Variants in ITSN2 observed in about 807,000 individuals in gnomAD.
The protein encoded by ITSN2 is intersectin-2.
In ITSN2, 156 loss-of-function variants were observed where a neutral mutation model predicts 243.7. That is an observed-to-expected ratio of 0.64 (90% confidence interval 0.56 to 0.73). The LOEUF (loss-of-function observed/expected upper bound fraction) is 0.73. Among genes scored for constraint, ITSN2 ranks in the 30% least tolerant of loss-of-function variants. The pLI is 0.00. For missense variants in ITSN2, 1,801 were observed against 1,996.1 expected (o/e 0.90, Z 1.86); for synonymous variants, 703 against 699.9 (o/e 1.00, Z -0.07).
At position 24,203,558 on chromosome 2, in the gene ITSN2, G is replaced by A; in HGVS notation, c.*68C>T. The A allele has an allele frequency of 2.0e-6, 3 of 1,500,996 alleles. 1 individual carries two copies. Among genetic ancestry groups the A allele is most frequent in the Non-Finnish European group, 9.0e-7 (1 of 1,110,002 alleles). 93.0% of individuals were successfully genotyped at this position (1,500,996 alleles called of 1,614,324 possible). On this transcript the variant is annotated 3_prime_UTR_variant, in exon 40 of 40. Transcript: ENST00000355123. ...GCATGGTGCTCCCTCAGCCCCAAGA[G>A]AGCGCAGTCTCTCATTCTCCAGCCC...
At chr2:24,329,250 G>GT (rs1391550216) in intron 1 of ITSN2, among the ~76,000 whole-genome samples, 2 of 6,632 alleles carry the variant, frequency 3.0e-4, no homozygotes, top group Admixed American at 1.5e-3. Context: ...TTGTGGGTCT[G>GT]TTTTTTTTTT....
At chr2:24,317,763 A>C (rs72793219) in intron 2 of ITSN2, among the ~76,000 whole-genome samples, 3,370 of 152,300 alleles carry the variant, frequency 0.022, 65 homozygotes, top group Middle Eastern at 0.034. Flanking sequence ...TTTAGACTGA[A>C]ATCAAGTATG....
At chr2:24,313,326 C>A in intron 4 of ITSN2, 134 bp downstream of exon 4, 1 of 622,904 alleles carries the variant, frequency 1.6e-6, no homozygotes, top group South Asian at 2.1e-5. Flanking sequence ...CCTCCTACCT[C>A]AGACTCCCAA....
intron 17 of ITSN2, among the ~76,000 whole-genome samples, chr2:24,284,256 T>G (rs1679188129): frequency 1.3e-5 from 2 of 152,254 alleles, no homozygotes; most frequent in Admixed American, 6.5e-5. Flanking sequence ...AATATGAGCC[T>G]GGTAACTAGA....
intron 1 of ITSN2, among the ~76,000 whole-genome samples, chr2:24,357,464 G>A: frequency 6.6e-6 from 1 of 152,078 alleles, no homozygotes; most frequent in East Asian, 1.9e-4. Context: ...ACACACACCA[G>A]GACCTGTTGT....
At chr2:24,246,649 A>G (rs935979357) in intron 28 of ITSN2, 148 bp downstream of exon 28, 14 of 603,018 alleles carry the variant, frequency 2.3e-5, no homozygotes, top group Non-Finnish European at 3.4e-5. Flanking sequence ...ACTTTTCAGA[A>G]AGGAAATTCT....
At chr2:24,337,315 A>AATATATATATATATATACATATATAT (rs1686505402) in intron 1 of ITSN2, among the ~76,000 whole-genome samples, 2 of 32,026 alleles carry the variant, frequency 6.2e-5, no homozygotes, top group Non-Finnish European at 1.1e-4. Flanking sequence ...GTATACACAA[A>AATATATATATATATATACATATATAT]ATATATATAT....
chr2:24,310,409 A>G (rs1193581632), intron 6 of ITSN2, 29 bp from the exon 7 acceptor site: 3 of 1,609,450 alleles, frequency 1.9e-6, no homozygotes. Context: ...GAAAAGTATG[A>G]AAGAAATTTG....
chr2:24,328,582 C>T (rs187889895), intron 1 of ITSN2, among the ~76,000 whole-genome samples: 2 of 152,100 alleles, frequency 1.3e-5, no homozygotes, highest in East Asian at 3.9e-4. Context: ...CATACCTTGG[C>T]CACCTGAGTA....
chr2:24,203,851 G>A (rs1668563172), intron 39 of ITSN2, 68 bp from the exon 40 acceptor site: 1 of 1,476,348 alleles, frequency 6.8e-7, no homozygotes, highest in Non-Finnish European at 9.2e-7. Context: ...GCTACATCCG[G>A]AAGAAGTGGA....
chr2:24,319,335 G>T (rs1321180933), intron 2 of ITSN2, among the ~76,000 whole-genome samples: 2 of 152,138 alleles, frequency 1.3e-5, no homozygotes, highest in South Asian at 2.1e-4. Context: ...ATTAAGAGAG[G>T]AATTAATGAT....
At chr2:24,215,952 G>A in intron 32 of ITSN2, 97 bp downstream of exon 32, 1 of 819,648 alleles carries the variant, frequency 1.2e-6, no homozygotes, top group Non-Finnish European at 1.8e-6. Flanking sequence ...TGATGGGGAT[G>A]CCCTTCTCCA....
At chr2:24,359,875 C>T (rs1688791980) in intron 1 of ITSN2, among the ~76,000 whole-genome samples, 1 of 152,142 alleles carries the variant, frequency 6.6e-6, no homozygotes, top group Non-Finnish European at 1.5e-5. Flanking sequence ...GGAAGGAAAA[C>T]CAACTCCGCG....
At chr2:24,227,684 G>A (rs1023037691) in intron 29 of ITSN2, among the ~76,000 whole-genome samples, 6 of 152,198 alleles carry the variant, frequency 3.9e-5, no homozygotes, top group Admixed American at 3.3e-4. Flanking sequence ...ACTTTGGGAG[G>A]CCAAGGCGGG....
chr2:24,263,362 G>A (rs1216349641), intron 20 of ITSN2, among the ~76,000 whole-genome samples: 4 of 152,038 alleles, frequency 2.6e-5, no homozygotes, highest in South Asian at 4.1e-4. Context: ...ACTTGACAGT[G>A]TTATATATCT....
intron 16 of ITSN2, among the ~76,000 whole-genome samples, chr2:24,285,974 A>T (rs2151557029): frequency 6.6e-6 from 1 of 152,084 alleles, no homozygotes; most frequent in East Asian, 1.9e-4. Context: ...TGCCAAGACA[A>T]ACAGCACATA....
chr2:24,344,223 A>G (rs558080240), intron 1 of ITSN2, among the ~76,000 whole-genome samples: 3 of 152,342 alleles, frequency 2.0e-5, no homozygotes, highest in African/African-American at 7.2e-5. Context: ...GTGGACATTA[A>G]GACGGTTTCC....
intron 20 of ITSN2, among the ~76,000 whole-genome samples, chr2:24,262,735 C>T (rs1574063320): frequency 6.6e-6 from 1 of 152,310 alleles, no homozygotes; most frequent in East Asian, 1.9e-4. Context: ...AAGCAACATG[C>T]CTATACTTTC....
rs745948518 is a variant in ITSN2 at position 24,275,723 on chromosome 2, C to T, written c.2071G>A (p.Glu691Lys). 1.2e-6 allele frequency: 2 copies of T among 1,609,100 alleles called. No individual in the cohort carries two copies. The highest frequency in any genetic ancestry group is 2.2e-5 in the East Asian group (1 of 44,706). Residue 691 changes from glutamate (E) to lysine (K), a missense_variant, in exon 18 of 40, where the codon GAG becomes AAG. This residue lies in a region of ITSN2 where 787 missense variants were observed against 803.9 expected (regional missense o/e 0.98). Coordinates refer to ENST00000355123, the MANE Select transcript of ITSN2 (RefSeq NM_006277.3). The part of the protein sequence containing the change: ...ELMQKKKLED[E>K]AARKAKQGKE... ...TATCAGCTATATTACCTTGCAGCCT[C>T]ATCTTCTAGTTTCTTTTTCTGCATT... is the stretch of plus-strand genomic sequence containing the variant.
Sources: allele counts gnomAD v4.1 joint callset (sites outside exome capture counted in the v4.1 genomes callset), GRCh38; gene constraint gnomAD v4.1.1; regional missense constraint gnomAD v4.1.1; transcripts MANE v1.5; gene names NCBI Gene and HGNC (gene_info 2026-07-23, HGNC 2026-07-21).